ANOS1: variants seen among roughly 807,000 people sequenced by gnomAD.
The protein encoded by ANOS1 is anosmin 1, also known as anosmin-1.
ANOS1 carries 6 observed loss-of-function variants against 59.0 expected under a neutral mutation model. The ratio of observed to expected loss-of-function variants is 0.10; its 90% CI spans 0.06 to 0.20. The LOEUF is 0.20. Ranked by LOEUF, ANOS1 falls within the 10% of genes least tolerant of loss-of-function variation. The probability of loss-of-function intolerance (pLI) is 1.00; values close to 1 mark genes in which losing one functional copy is unlikely to be tolerated. For missense variants in ANOS1, 433 were observed against 542.3 expected (o/e 0.80, Z 2.00); for synonymous variants, 217 against 223.4 (o/e 0.97, Z 0.25).
rs1937903716 is a variant in ANOS1, at chrX:8,533,127, T to C, written c.1985-74A>G. 43 of 661,031 alleles carry C rather than the reference T, an allele frequency of 6.5e-5. No homozygotes were observed. The South Asian group carries it at 9.9e-4, about 15-fold the overall frequency. 54.5% of individuals were successfully genotyped at this position (661,031 alleles called of 1,213,427 possible). A position where few individuals can be genotyped will look rare whatever the true frequency, so the allele number is the denominator to read the frequency against. ...TAAATGATAGAATTACCTTTATTTGTAGAAAAAGCACGAGACCCTGGCAAA... is the reference window on the plus strand; with the variant it reads ...TAAATGATAGAATTACCTTTATTTGCAGAAAAAGCACGAGACCCTGGCAAA... On this transcript the variant is annotated intron_variant, in intron 13 of 13. Transcript: ENST00000262648.
intron 4 of ANOS1, among the ~76,000 whole-genome samples, chrX:8,595,246 T>C (rs766904501): frequency 3.0e-4 from 34 of 111,828 alleles, no homozygotes; most frequent in African/African-American, 8.8e-4. Flanking sequence ...TAAGATTTCA[T>C]AATAACAGAT....
chrX:8,667,366 G>A (rs1569077848), intron 2 of ANOS1, among the ~76,000 whole-genome samples: 2 of 110,509 alleles, frequency 1.8e-5, no homozygotes. Context: ...TTGCTATGTT[G>A]GCCAGCATGG....
chrX:8,650,675 G>A (rs747828147), intron 2 of ANOS1, among the ~76,000 whole-genome samples: 1 of 111,622 alleles, frequency 9.0e-6, no homozygotes, highest in South Asian at 3.8e-4. Flanking sequence ...CTGAGATAGC[G>A]CCACTGCACT....
intron 2 of ANOS1, among the ~76,000 whole-genome samples, chrX:8,624,867 G>A (rs1445184647): frequency 9.1e-6 from 1 of 110,238 alleles, no homozygotes; most frequent in East Asian, 2.8e-4. Flanking sequence ...CAGCACTTTG[G>A]GAGGCTGAGG....
intron 2 of ANOS1, among the ~76,000 whole-genome samples, chrX:8,652,228 G>A (rs1014734761): frequency 3.6e-4 from 40 of 111,642 alleles, no homozygotes; most frequent in African/African-American, 1.2e-3. Context: ...CTCCCAAAGC[G>A]CTGAGATTAC....
intron 2 of ANOS1, among the ~76,000 whole-genome samples, chrX:8,680,162 C>CAAAAA (rs754341783): frequency 1.1e-4 from 3 of 28,473 alleles, no homozygotes; most frequent in African/African-American, 1.1e-4. Context: ...GAGACTCCAT[C>CAAAAA]AAAAAAAAAA....
At chrX:8,655,170 C>T (rs1931911694) in intron 2 of ANOS1, among the ~76,000 whole-genome samples, 1 of 111,493 alleles carries the variant, frequency 9.0e-6, no homozygotes, top group Non-Finnish European at 1.9e-5. Context: ...AATTATAAAA[C>T]TCACCATGAT....
Position 8,591,841 on chromosome X carries a change from T to C in ANOS1, c.542-3863A>G, listed in dbSNP as rs111808251. On this transcript the variant is annotated intron_variant, in intron 4 of 13. Coordinates refer to ENST00000262648, the MANE Select transcript of ANOS1 (RefSeq NM_000216.4). Reference sequence around the variant, plus strand: ...AACCAGATGTATAGACTGGATCTCTTCTCAATGTGTTTTTTATTATGTAAA... The same window carrying C: ...AACCAGATGTATAGACTGGATCTCTCCTCAATGTGTTTTTTATTATGTAAA... Among the ~76,000 whole-genome samples, 420 of 112,603 alleles carry C rather than the reference T, an allele frequency of 3.7e-3. 1 individual carries two copies. Among genetic ancestry groups the C allele is most frequent in the African/African-American group, 0.013 (406 of 31,070 alleles).
chrX:8,713,675 C>T (rs758485768), intron 1 of ANOS1, among the ~76,000 whole-genome samples: 3 of 108,326 alleles, frequency 2.8e-5, no homozygotes, highest in Admixed American at 9.9e-5. Context: ...TGCAACGACG[C>T]GATCTCAGCT....
intron 2 of ANOS1, among the ~76,000 whole-genome samples, chrX:8,641,201 A>G (rs1931659050): frequency 8.9e-6 from 1 of 112,239 alleles, no homozygotes; most frequent in African/African-American, 3.2e-5. Context: ...CTGAAGAATC[A>G]TTGTAAAAAT....
chrX:8,687,952 GAA>G (rs1364036154), intron 2 of ANOS1, among the ~76,000 whole-genome samples: 3 of 112,140 alleles, frequency 2.7e-5, no homozygotes, highest in African/African-American at 6.5e-5. Flanking sequence ...ACAGAGAAAT[GAA>G]AAGTTTCCAA....
chrX:8,631,193 G>T (rs1601992655), intron 2 of ANOS1, among the ~76,000 whole-genome samples: 1 of 112,336 alleles, frequency 8.9e-6, no homozygotes, highest in East Asian at 2.8e-4. Context: ...TGAAATTGTG[G>T]ATATGCAGTT....
chrX:8,606,680 A>G (rs1246205691), intron 3 of ANOS1, among the ~76,000 whole-genome samples: 9 of 112,905 alleles, frequency 8.0e-5, no homozygotes, highest in African/African-American at 2.9e-4. Context: ...TTGGGAGAGC[A>G]GTCTTGGCCT....
intron 9 of ANOS1, among the ~76,000 whole-genome samples, chrX:8,549,416 G>A (rs995944020): frequency 2.7e-5 from 3 of 112,445 alleles, no homozygotes; most frequent in Non-Finnish European, 5.6e-5. Context: ...TGCAGTGAAG[G>A]TGAATCTCTT....
At chrX:8,569,535 G>T (rs984221748) in intron 7 of ANOS1, among the ~76,000 whole-genome samples, 4 of 111,493 alleles carry the variant, frequency 3.6e-5, no homozygotes, top group Admixed American at 9.5e-5. Context: ...CCAGCTACTC[G>T]GGAGGCTGAG....
intron 12 of ANOS1, among the ~76,000 whole-genome samples, 192 bp from the exon 13 acceptor site, chrX:8,534,652 T>G (rs1929559837): frequency 8.9e-6 from 1 of 111,850 alleles, no homozygotes; most frequent in Admixed American, 9.5e-5. Context: ...ATATGGTTTC[T>G]TAGCACCTCA....
At chrX:8,574,754 G>C (rs1484020367) in intron 6 of ANOS1, among the ~76,000 whole-genome samples, 1 of 111,443 alleles carries the variant, frequency 9.0e-6, no homozygotes, top group East Asian at 2.8e-4. Flanking sequence ...TGGCTTCCTT[G>C]CTCCTTAGCT....
At chrX:8,577,098 C>T (rs1471705794) in intron 6 of ANOS1, among the ~76,000 whole-genome samples, 2 of 111,850 alleles carry the variant, frequency 1.8e-5, no homozygotes, top group Non-Finnish European at 3.8e-5. Flanking sequence ...GACCCTGGGC[C>T]ACAGACTGCT....
intron 2 of ANOS1, among the ~76,000 whole-genome samples, chrX:8,655,979 G>A (rs1166054414): frequency 8.9e-6 from 1 of 112,040 alleles, no homozygotes; most frequent in Non-Finnish European, 1.9e-5. Flanking sequence ...CTGTGGAATT[G>A]TTTCTTTGAT....
Sources: gnomAD v4.1 joint callset for allele counts (sites outside exome capture counted in the v4.1 genomes callset) on GRCh38, gnomAD v4.1.1 for gene constraint, MANE v1.5 for transcripts, NCBI Gene and HGNC (gene_info 2026-07-23, HGNC 2026-07-21) for gene names.